Variants in TLN2 observed in about 807,000 individuals in gnomAD.
TLN2 encodes the protein talin 2, also known as talin-2.
A neutral mutation model predicts 294.7 loss-of-function variants in TLN2; 118 were observed. The ratio of observed to expected loss-of-function variants is 0.40; its 90% CI spans 0.34 to 0.47. The LOEUF is 0.47. Among genes scored for constraint, TLN2 ranks in the 20% least tolerant of loss-of-function variants. The pLI, the probability that TLN2 is intolerant of heterozygous loss-of-function variation, is 0.84. For synonymous variants in TLN2, 1,431 were observed against 1,304.5 expected (o/e 1.10, Z -2.09); for missense variants, 3,083 against 3,282.2 (o/e 0.94, Z 1.48).
intron 12 of TLN2, among the ~76,000 whole-genome samples, chr15:62,687,654 T>C (rs564386182): frequency 6.6e-6 from 1 of 152,330 alleles, no homozygotes; most frequent in South Asian, 2.1e-4. Context: ...TTGAAGTCTC[T>C]AGTGAATGCT....
intron 45 of TLN2, among the ~76,000 whole-genome samples, chr15:62,788,772 C>T (rs537060123): frequency 1.3e-5 from 2 of 152,252 alleles, no homozygotes; most frequent in Non-Finnish European, 2.9e-5. Flanking sequence ...GGCTGCCTCT[C>T]TGTACCAGTC....
chr15:62,736,140 G>A (rs940570940), intron 28 of TLN2, among the ~76,000 whole-genome samples: 4 of 151,892 alleles, frequency 2.6e-5, no homozygotes, highest in East Asian at 1.9e-4. Flanking sequence ...GTGAAACCCC[G>A]TCTCTACTAA....
intron 54 of TLN2, chr15:62,832,201 A>G (rs1009219290): frequency 1.3e-5 from 2 of 150,854 alleles, no homozygotes; most frequent in Non-Finnish European, 1.5e-5. Flanking sequence ...AAAATCTACT[A>G]CTGTTGGCAC....
chr15:62,631,019 T>C (rs946410607), intron 3 of TLN2, among the ~76,000 whole-genome samples: 47 of 152,162 alleles, frequency 3.1e-4, no homozygotes, highest in African/African-American at 9.2e-4. Flanking sequence ...CATTTTTTTT[T>C]CTAAGGCATT....
rs536287228 is a variant in TLN2 at position 62,725,006 on chromosome 15, G to A, written c.3157G>A (p.Asp1053Asn). 12 of 1,612,958 alleles carry A rather than the reference G, an allele frequency of 7.4e-6. No individual in the cohort carries two copies. The highest frequency in any genetic ancestry group is 4.4e-5 in the South Asian group (4 of 90,948). ...AHEACGPMEI[D>N]SALNTVQTLK... ...TGAAGCTTGTGGTCCGATGGAAATC[G>A]ATTCAGCTCTGAATACGGTGCAGAC... The change falls in exon 27 of 59, where the codon GAT becomes AAT. Residue 1053 changes from aspartate to asparagine, a missense_variant. By Grantham distance (23) the Asp-to-Asn change is conservative. Coordinates refer to ENST00000636159, the MANE Select transcript of TLN2 (RefSeq NM_015059.3).
intron 2 of TLN2, among the ~76,000 whole-genome samples, chr15:62,592,141 C>A (rs1184842067): frequency 1.3e-5 from 2 of 152,126 alleles, no homozygotes; most frequent in Non-Finnish European, 2.9e-5. Flanking sequence ...GAATAAAGGA[C>A]TGAATTATTT....
chr15:62,835,277 CA>C (rs1225537574), intron 55 of TLN2: 1 of 183,348 alleles, frequency 5.5e-6, no homozygotes, highest in African/African-American at 2.4e-5. Flanking sequence ...GGAGTTCCAC[CA>C]CACTTTTTTA....
At chr15:62,814,285 T>A (rs2066911801) in intron 52 of TLN2, among the ~76,000 whole-genome samples, 1 of 152,244 alleles carries the variant, frequency 6.6e-6, no homozygotes, top group Non-Finnish European at 1.5e-5. Flanking sequence ...ACTTATCATT[T>A]GGGCTTTATG....
At position 62,551,593 on chromosome 15, in the gene TLN2, G is replaced by C. The variant is rs183605983; in HGVS notation, c.-237-38094G>C. Among the ~76,000 whole-genome samples, 44 of 151,962 alleles carry C rather than the reference G, an allele frequency of 2.9e-4. No homozygotes were observed. The East Asian group carries it at 7.7e-3, about 27-fold the overall frequency. Reference sequence around the variant, plus strand: ...AGGCACCTGTAATCCCAGCTACTCGGGAGGCTAAGGCAGGAGAATCACTTG... The same window carrying C: ...AGGCACCTGTAATCCCAGCTACTCGCGAGGCTAAGGCAGGAGAATCACTTG... On this transcript the variant is annotated intron_variant, in intron 1 of 58. Transcript: ENST00000636159.
intron 48 of TLN2, among the ~76,000 whole-genome samples, chr15:62,798,695 C>T (rs2065705808): frequency 6.6e-6 from 1 of 152,228 alleles, no homozygotes; most frequent in Non-Finnish European, 1.5e-5. Context: ...TCAGTGCCCC[C>T]AGGGGATGCA....
chr15:62,440,051 T>G (rs575586360), intron 1 of TLN2, among the ~76,000 whole-genome samples: 2 of 152,206 alleles, frequency 1.3e-5, no homozygotes, highest in East Asian at 3.9e-4. Context: ...ATTTACTTGG[T>G]TTAGGCACGT....
intron 13 of TLN2, 53 bp downstream of exon 13, chr15:62,692,994 T>G: frequency 6.7e-7 from 1 of 1,493,138 alleles, no homozygotes; most frequent in African/African-American, 1.4e-5. Context: ...TTAAAAGGCT[T>G]GGTTTCGATG....
chr15:62,819,228 T>C lies in TLN2; in HGVS notation c.6772-288T>C, dbSNP rs1180565694. On this transcript the variant is annotated intron_variant, in intron 52 of 58. Coordinates refer to ENST00000636159, the MANE Select transcript of TLN2 (RefSeq NM_015059.3). ...GTTTTATGTACAAATAAAGGACAAA[T>C]GAAGGTCCAAATAGAAAACAAGGAC... Among the ~76,000 whole-genome samples, 3 of 152,286 alleles carry C rather than the reference T, an allele frequency of 2.0e-5. No individual in the cohort carries two copies. In the East Asian group the frequency reaches 5.8e-4, roughly 29 times the overall value.
At chr15:62,761,227 T>C (rs1271876972) in intron 37 of TLN2, among the ~76,000 whole-genome samples, 2 of 152,216 alleles carry the variant, frequency 1.3e-5, no homozygotes, top group African/African-American at 4.8e-5. Context: ...TTAGAAAAAG[T>C]TAAAAGTACT....
chr15:62,740,418 C>A, intron 31 of TLN2: 1 of 543,074 alleles, frequency 1.8e-6, no homozygotes, highest in East Asian at 3.1e-5. Context: ...GATTTCTTTC[C>A]CTGTGGCATG....
Position 62,537,604 on chromosome 15 carries a change from C to A in TLN2, c.-237-52083C>A, listed in dbSNP as rs547343700. Among the ~76,000 whole-genome samples the A allele has an allele frequency of 1.3e-3, 205 of 152,154 alleles. 1 individual carries two copies. Among genetic ancestry groups the A allele is most frequent in the Non-Finnish European group, 2.3e-3 (155 of 68,020 alleles). On this transcript the variant is annotated intron_variant, in intron 1 of 58. Coordinates refer to ENST00000636159, the MANE Select transcript of TLN2 (RefSeq NM_015059.3). ...CTCAGGGAAGGAAGTGATTTACTTG[C>A]TTAGTCCCTCAGCTGAGCTTTTCTC... is the stretch of plus-strand genomic sequence containing the variant.
At chr15:62,803,479 G>A (rs1032572974) in intron 50 of TLN2, among the ~76,000 whole-genome samples, 1 of 152,060 alleles carries the variant, frequency 6.6e-6, no homozygotes, top group African/African-American at 2.4e-5. Context: ...TCTAGATCCT[G>A]TAGGCATGCT....
At chr15:62,518,100 A>G (rs1226070351) in intron 1 of TLN2, among the ~76,000 whole-genome samples, 1 of 151,878 alleles carries the variant, frequency 6.6e-6, no homozygotes, top group African/African-American at 2.4e-5. Context: ...GTACAGTGGC[A>G]TGATTTCGGC....
At chr15:62,637,507 T>A (rs2140904434) in intron 3 of TLN2, 1 of 152,348 alleles carries the variant, frequency 6.6e-6, no homozygotes, top group East Asian at 1.9e-4. Flanking sequence ...AACGACAGTA[T>A]CTTCCACATA....
Sources: gnomAD v4.1 joint callset for allele counts (sites outside exome capture counted in the v4.1 genomes callset) on GRCh38, gnomAD v4.1.1 for gene constraint, MANE v1.5 for transcripts, NCBI Gene and HGNC (gene_info 2026-07-23, HGNC 2026-07-21) for gene names.